The following DRC4 variants were observed in gnomAD, a reference collection of about 807,000 sequenced individuals.
The protein encoded by DRC4 is GAS-11.
the DRC4 span, chr16:90,037,046 G>T: frequency 1.6e-6 from 1 of 620,296 alleles, no homozygotes. Flanking sequence ...TGCATTCCCA[G>T]AAAACTCAGA....
At chr16:90,021,119 G>A in the DRC4 span, among the ~76,000 whole-genome samples, 53 of 152,214 alleles carry the variant, frequency 3.5e-4, 3 homozygotes, top group Non-Finnish European at 1.5e-5. Flanking sequence ...TGCAAGCTGA[G>A]CCAATGCAGT....
chr16:90,043,026 C>A, the DRC4 span: 1 of 683,414 alleles, frequency 1.5e-6, no homozygotes, highest in Non-Finnish European at 2.4e-6. Flanking sequence ...CCTGAGCCAA[C>A]GCAGTGAAGG....
the DRC4 span, chr16:90,044,349 C>A: frequency 2.0e-5 from 8 of 407,968 alleles, no homozygotes; most frequent in East Asian, 4.3e-4. Context: ...GGACACCTTT[C>A]TTTTGGGAGC....
the DRC4 span, chr16:90,036,492 C>T: frequency 1.5e-5 from 24 of 1,614,158 alleles, no homozygotes; most frequent in Middle Eastern, 6.6e-4. Flanking sequence ...CAGATCCACA[C>T]GCTGATGCAG....
At chr16:90,025,912 T>G in the DRC4 span, among the ~76,000 whole-genome samples, 4 of 151,612 alleles carry the variant, frequency 2.6e-5, no homozygotes, top group Non-Finnish European at 5.9e-5. Flanking sequence ...GGTTTTAATG[T>G]TTTTAAAAAA....
the DRC4 span, among the ~76,000 whole-genome samples, chr16:90,025,607 A>T: frequency 3.2e-5 from 4 of 126,696 alleles, no homozygotes; most frequent in South Asian, 1.1e-3. Context: ...CTGAGATCGC[A>T]CCATTGCACT....
the DRC4 span, among the ~76,000 whole-genome samples, chr16:90,032,167 AG>A: frequency 6.7e-6 from 1 of 149,360 alleles, no homozygotes; most frequent in African/African-American, 2.5e-5. Flanking sequence ...GCAGGTGAGC[AG>A]GGGGGTACAG....
chr16:90,034,000 G>A, the DRC4 span, among the ~76,000 whole-genome samples: 1,095 of 151,708 alleles, frequency 7.2e-3, 16 homozygotes, highest in South Asian at 0.07. Flanking sequence ...GACTGGAGAC[G>A]GGTCAGAGCT....
At chr16:90,041,641 T>C in the DRC4 span, among the ~76,000 whole-genome samples, 1 of 151,998 alleles carries the variant, frequency 6.6e-6, no homozygotes, top group Admixed American at 6.6e-5. Context: ...CCGTCTCTAC[T>C]AAAAATACAA....
chr16:90,027,040 G>A, the DRC4 span, among the ~76,000 whole-genome samples: 1 of 151,456 alleles, frequency 6.6e-6, no homozygotes, highest in Admixed American at 6.6e-5. Context: ...AGCCTCCCGA[G>A]TAACTGGGAC....
chr16:90,030,936 G>C, the DRC4 span, among the ~76,000 whole-genome samples: 19 of 152,256 alleles, frequency 1.2e-4, no homozygotes, highest in African/African-American at 4.3e-4. Flanking sequence ...TGTTTAAACT[G>C]GTCTTAGGTT....
chr16:90,041,377 G>A, the DRC4 span, among the ~76,000 whole-genome samples: 4 of 152,202 alleles, frequency 2.6e-5, no homozygotes, highest in African/African-American at 7.2e-5. Flanking sequence ...CAGCAGGGAC[G>A]GCTCTAAAGC....
chr16:90,041,357 T>C, the DRC4 span, among the ~76,000 whole-genome samples: 2 of 152,132 alleles, frequency 1.3e-5, no homozygotes, highest in Non-Finnish European at 2.9e-5. Context: ...GGGGCTGCTG[T>C]GTCAGTGGGC....
the DRC4 span, among the ~76,000 whole-genome samples, chr16:90,031,889 G>C: frequency 3.9e-5 from 6 of 152,256 alleles, no homozygotes; most frequent in South Asian, 1.2e-3. Context: ...GGATGCAAGT[G>C]AGCATGTGTG....
chr16:90,040,153 C>A, the DRC4 span: 5 of 753,218 alleles, frequency 6.6e-6, no homozygotes, highest in Non-Finnish European at 1.1e-5. Context: ...GCAGTGTGGA[C>A]AACACACTGA....
At chr16:90,029,153 C>T in the DRC4 span, 420,812 of 1,347,318 alleles carry the variant, frequency 0.31, 67,377 homozygotes, top group South Asian at 0.43. Flanking sequence ...GGGCAGCCTA[C>T]GGGGCAGGCT....
chr16:90,022,347 T>G, the DRC4 span: 1 of 213,450 alleles, frequency 4.7e-6, no homozygotes. Flanking sequence ...GGTGGCTGAT[T>G]GATCATTCCT....
At chr16:90,029,830 C>T in the DRC4 span, 1 of 169,874 alleles carries the variant, frequency 5.9e-6, no homozygotes, top group Non-Finnish European at 1.4e-5. Flanking sequence ...GACCTCGGCT[C>T]ACTGCAAGCT....
the DRC4 span, chr16:90,042,426 G>A: frequency 1.3e-6 from 2 of 1,594,252 alleles, no homozygotes; most frequent in African/African-American, 2.7e-5. Flanking sequence ...CGTTGCCTCG[G>A]CCAAAAGATG....
Sources: allele counts gnomAD v4.1 joint callset (sites outside exome capture counted in the v4.1 genomes callset), GRCh38; gene constraint gnomAD v4.1.1; transcripts MANE v1.5; gene names NCBI Gene and HGNC (gene_info 2026-07-23, HGNC 2026-07-21).